Variants in DCAF13 observed in about 807,000 individuals in gnomAD.
DCAF13 encodes the protein DDB1- and CUL4-associated factor 13.
DCAF13 carries 38 observed loss-of-function variants against 59.0 expected under a neutral mutation model. That is an observed-to-expected ratio of 0.64 (90% CI 0.50 to 0.84). The LOEUF (loss-of-function observed/expected upper bound fraction) is 0.84, where lower values mean the gene tolerates loss of function less well. Among genes scored for constraint, DCAF13 ranks in the 40% least tolerant of loss-of-function variants. DCAF13 has a pLI of 0.00. For synonymous variants in DCAF13, 173 were observed against 175.0 expected, an observed-to-expected ratio of 0.99 and a Z score of 0.09; for missense variants, 469 against 558.4, an observed-to-expected ratio of 0.84 and a Z score of 1.61.
Position 103,441,478 on chromosome 8 carries a change from C to G in DCAF13, c.1110C>G (p.Ala370=). The change falls in exon 10 of 11, where the codon GCC becomes GCG. Residue 370 remains alanine, a synonymous_variant. Coordinates refer to ENST00000612750, the MANE Select transcript of DCAF13 (RefSeq NM_015420.7). The stretch of plus-strand genomic sequence containing the variant: ...AGCTTACATCACGAGAAAAAGCAGC[C>G]AAGGATTATAACCAGAAATTGAAGG... ...LGVLTSREKA[A]KDYNQKLKEK... 1 of 1,588,448 alleles carries G rather than the reference C, an allele frequency of 6.3e-7. No individual in the cohort carries two copies. Among genetic ancestry groups the G allele is most frequent in the Non-Finnish European group, 8.5e-7 (1 of 1,173,146 alleles).
chr8:103,434,211 G>T (rs1412075743), intron 7 of DCAF13, among the ~76,000 whole-genome samples: 1 of 151,898 alleles, frequency 6.6e-6, no homozygotes, highest in South Asian at 2.1e-4. Context: ...AGTCTAGGCC[G>T]ACCAGTAATT....
chr8:103,434,701 C>T (rs1483170872), intron 7 of DCAF13, among the ~76,000 whole-genome samples: 2 of 152,028 alleles, frequency 1.3e-5, no homozygotes, highest in African/African-American at 2.4e-5. Context: ...ATATTAGGAA[C>T]TTGGTCACAA....
chr8:103,427,402 A>G (rs920999077), intron 5 of DCAF13, 150 bp downstream of exon 5: 1 of 674,088 alleles, frequency 1.5e-6, no homozygotes, highest in Non-Finnish European at 2.5e-6. Flanking sequence ...GAGTTCTGAT[A>G]CCTTTGCTCA....
At chr8:103,430,841 T>A (rs1816854172) in intron 6 of DCAF13, 152 bp downstream of exon 6, 1 of 499,256 alleles carries the variant, frequency 2.0e-6, no homozygotes, top group Admixed American at 4.0e-5. Flanking sequence ...GATAGTCATG[T>A]TCTTTCAGCT....
chr8:103,429,864 T>C (rs1816838913), intron 5 of DCAF13: 1 of 152,152 alleles, frequency 6.6e-6, no homozygotes, highest in Non-Finnish European at 1.5e-5. Flanking sequence ...GAAAAATAAT[T>C]AGCCCTAAAT....
chr8:103,422,521 G>A (rs2062661961), intron 3 of DCAF13, among the ~76,000 whole-genome samples: 2 of 152,106 alleles, frequency 1.3e-5, no homozygotes, highest in South Asian at 4.1e-4. Flanking sequence ...TGTCCTAGGA[G>A]GAAGGAATAG....
intron 10 of DCAF13, chr8:103,441,955 C>G (rs1000097637): frequency 3.4e-5 from 7 of 204,412 alleles, no homozygotes; most frequent in African/African-American, 1.4e-4. Flanking sequence ...TTAGTAGAGA[C>G]AGGGTTTCAC....
rs539593882 is a variant in DCAF13, at chr8:103,420,700, T to G, written c.270+237T>G. On this transcript the variant is annotated intron_variant, in intron 2 of 10. Coordinates refer to ENST00000612750, the MANE Select transcript of DCAF13 (RefSeq NM_015420.7). The stretch of plus-strand genomic sequence containing the variant: ...AATAATCATGTTTATAATTAAAGTA[T>G]TTAAGTATGAGTTTTTTCACAGATG... 8 of 586,770 alleles carry G rather than the reference T, an allele frequency of 1.4e-5. No homozygotes were observed. In the East Asian group the frequency reaches 1.7e-4, roughly 13 times the overall value. 36.3% of individuals were successfully genotyped at this position (586,770 alleles called of 1,614,324 possible). A position where few individuals can be genotyped will look rare whatever the true frequency, so the allele number is the denominator to read the frequency against.
At chr8:103,440,437 C>T in intron 9 of DCAF13, 166 bp downstream of exon 9, 1 of 546,004 alleles carries the variant, frequency 1.8e-6, no homozygotes. Flanking sequence ...TAATTATTTG[C>T]TTCATTCTGA....
At chr8:103,440,366 A>G (rs570590386) in intron 9 of DCAF13, 95 bp downstream of exon 9, 2 of 1,170,196 alleles carry the variant, frequency 1.7e-6, no homozygotes, top group East Asian at 2.7e-5. Context: ...ATTTTTGGGT[A>G]TTTTGATTAA....
intron 5 of DCAF13, chr8:103,428,631 A>G (rs1005830415): frequency 3.9e-5 from 6 of 152,170 alleles, no homozygotes; most frequent in African/African-American, 7.2e-5. Context: ...AGCAGGACCA[A>G]GTGTAAAAGT....
At chr8:103,426,557 A>G (rs1370440987) in intron 4 of DCAF13, among the ~76,000 whole-genome samples, 1 of 152,168 alleles carries the variant, frequency 6.6e-6, no homozygotes, top group African/African-American at 2.4e-5. Flanking sequence ...AGTATTATGC[A>G]TCATGTATAA....
chr8:103,417,507 T>C (rs1333050767), intron 1 of DCAF13, among the ~76,000 whole-genome samples: 1 of 151,688 alleles, frequency 6.6e-6, no homozygotes, highest in Non-Finnish European at 1.5e-5. Flanking sequence ...CCCAGCGTGG[T>C]GCTGGGTGCC....
At chr8:103,419,956 C>T (rs1276764744) in intron 1 of DCAF13, among the ~76,000 whole-genome samples, 1 of 151,314 alleles carries the variant, frequency 6.6e-6, no homozygotes, top group East Asian at 1.9e-4. Context: ...TTGCAGTGAG[C>T]CGAGATTGCG....
At chr8:103,422,281 A>T (rs1334372068) in intron 3 of DCAF13, among the ~76,000 whole-genome samples, 1 of 152,168 alleles carries the variant, frequency 6.6e-6, no homozygotes, top group Non-Finnish European at 1.5e-5. Context: ...TGTCTGTCAT[A>T]CCTTTACAGA....
chr8:103,442,675 G>A, intron 10 of DCAF13, 120 bp from the exon 11 acceptor site: 2 of 597,316 alleles, frequency 3.3e-6, no homozygotes, highest in South Asian at 6.0e-5. Flanking sequence ...TTGTCATCGT[G>A]AAAATATTTT....
At chr8:103,418,225 G>A (rs889362546) in intron 1 of DCAF13, among the ~76,000 whole-genome samples, 2 of 151,890 alleles carry the variant, frequency 1.3e-5, no homozygotes, top group Admixed American at 1.3e-4. Flanking sequence ...AGATAATGAA[G>A]ACCCAAACTG....
At chr8:103,433,986 G>A (rs929193073) in intron 7 of DCAF13, among the ~76,000 whole-genome samples, 1 of 152,050 alleles carries the variant, frequency 6.6e-6, no homozygotes, top group Non-Finnish European at 1.5e-5. Flanking sequence ...GTTTTTCAGA[G>A]TGTCCTCGGA....
At chr8:103,415,730 C>G (rs1407980868) in intron 1 of DCAF13, among the ~76,000 whole-genome samples, 1 of 152,170 alleles carries the variant, frequency 6.6e-6, no homozygotes. Context: ...AGAATTTCCT[C>G]TAGTGGTGAG....
Sources: allele counts gnomAD v4.1 joint callset (sites outside exome capture counted in the v4.1 genomes callset), GRCh38; gene constraint gnomAD v4.1.1; transcripts MANE v1.5; gene names NCBI Gene and HGNC (gene_info 2026-07-23, HGNC 2026-07-21).